APC2: variants seen among roughly 807,000 people sequenced by gnomAD.
APC2 encodes the protein adenomatous polyposis coli protein 2.
Under a neutral mutation model 72.5 loss-of-function variants are expected in APC2, and 41 were observed. The ratio of observed to expected loss-of-function variants is 0.57; its 90% CI spans 0.44 to 0.73. The LOEUF (loss-of-function observed/expected upper bound fraction) is 0.73, where lower values mean the gene tolerates loss of function less well. Ranked by LOEUF, APC2 falls within the 30% of genes least tolerant of loss-of-function variation. The pLI, the probability that APC2 is intolerant of heterozygous loss-of-function variation, is 0.00. For missense variants in APC2, 3,729 were observed against 3,403.4 expected, an observed-to-expected ratio of 1.10 and a Z score of -2.38; for synonymous variants, 1,898 against 1,612.0, an observed-to-expected ratio of 1.18 and a Z score of -4.25.
At chr19:1,462,702 G>T (rs2083946484) in intron 14 of APC2, among the ~76,000 whole-genome samples, 1 of 150,380 alleles carries the variant, frequency 6.6e-6, no homozygotes, top group Non-Finnish European at 1.5e-5. Flanking sequence ...CAGGCGCAGT[G>T]GCTCACACCT....
In APC2 at chr19:1,465,136, AC is replaced by A. The variant is rs745472709; in HGVS notation, c.1854-16del. ...GGAGGGTGGGGGGTGGCCCAGGCTA[AC>A]CCGCCCTGTGCCTACAGGCAGGTGC... On this transcript the variant is annotated intron_variant, in intron 14 of 14. Transcript: ENST00000590469. The A allele has an allele frequency of 6.3e-7, 1 of 1,586,156 alleles. No homozygotes were observed. Among genetic ancestry groups the A allele is most frequent in the South Asian group, 1.1e-5 (1 of 87,392 alleles).
At position 1,465,681 on chromosome 19, in the gene APC2, G is replaced by C; in HGVS notation, c.2380G>C (p.Gly794Arg). The C allele has an allele frequency of 1.3e-6, 2 of 1,594,702 alleles. No homozygotes were observed. The highest frequency in any genetic ancestry group is 1.1e-5 in the South Asian group (1 of 88,752). The change falls in exon 15 of 15, where the codon GGG (glycine) becomes CGG (arginine). Residue 794 changes from glycine to arginine, a missense_variant. Coordinates refer to ENST00000590469, the MANE Select transcript of APC2 (RefSeq NM_005883.3). The part of the protein sequence containing the change: ...PSSLAAAAAT[G>R]EPASPAALSL... ...ATCCCTGGCTGCGGCCGCGGCCACC[G>C]GGGAGCCAGCCAGCCCTGCCGCGCT...
chr19:1,461,926 C>A (rs373827851), intron 13 of APC2, 37 bp from the exon 14 acceptor site: 1 of 1,554,578 alleles, frequency 6.4e-7, no homozygotes, highest in Admixed American at 1.8e-5. Flanking sequence ...CCGGGCCACT[C>A]AGGCCCTGAC....
intron 14 of APC2, among the ~76,000 whole-genome samples, chr19:1,464,239 G>A (rs1246606666): frequency 6.6e-6 from 1 of 152,040 alleles, no homozygotes; most frequent in Non-Finnish European, 1.5e-5. Context: ...AACCCAGGAG[G>A]TGGAGGTTGC....
rs971329380 is a variant in APC2, at chr19:1,465,990, G to A, written c.2689G>A (p.Gly897Ser). The change falls in exon 15 of 15, where the codon GGC (glycine) becomes AGC (serine). Residue 897 changes from glycine (G) to serine (S), a missense_variant. Physicochemically the swap from Gly to Ser is moderately conservative, Grantham distance 56 (BLOSUM62 0). Coordinates refer to ENST00000590469, the MANE Select transcript of APC2 (RefSeq NM_005883.3). ...GRAQSCSPCR[G>S]PEGGRREAGS... ...CGCCCAGTCCTGCTCGCCATGCCGC[G>A]GCCCGGAGGGCGGGCGGCGAGAGGC... 3 of 1,514,898 alleles carry A rather than the reference G, an allele frequency of 2.0e-6. No homozygotes were observed. Among genetic ancestry groups the A allele is most frequent in the Non-Finnish European group, 1.8e-6 (2 of 1,141,002 alleles). The allele number at this position is 1,514,898 out of a possible 1,614,324, so 93.8% of individuals were successfully genotyped here.
Position 1,457,129 on chromosome 19 carries a change from C to G in APC2, c.1093C>G (p.Arg365Gly). Residue 365 changes from arginine (R) to glycine (G), a missense_variant, in exon 9 of 15, where the codon CGC (arginine) becomes GGC (glycine). Physicochemically the swap from Arg to Gly is moderately radical, Grantham distance 125. Coordinates refer to ENST00000590469, the MANE Select transcript of APC2 (RefSeq NM_005883.3). ...CTCGCAGCCGGACCAGGGCCTGGCG[C>G]GCAAGGAGATGCGCGTCCTGCACGT... Reference protein sequence around the residue: ...VFSQPDQGLARKEMRVLHVLE... With the variant: ...VFSQPDQGLAGKEMRVLHVLE... 1 of 1,589,170 alleles carries G rather than the reference C, an allele frequency of 6.3e-7. No homozygotes were observed. The highest frequency in any genetic ancestry group is 8.5e-7 in the Non-Finnish European group (1 of 1,170,876).
chr19:1,446,338 C>G, upstream of APC2: 2 of 985,226 alleles, frequency 2.0e-6, no homozygotes, highest in Non-Finnish European at 2.4e-6. The surrounding 1 kb of genome is among the most constrained non-coding windows in gnomAD (Gnocchi z 6.1). Context: ...TCTTCGGGGA[C>G]CAGGTAGGGC....
chr19:1,466,375 C>T lies in APC2; in HGVS notation c.3074C>T (p.Ala1025Val), dbSNP rs751673972. The T allele has an allele frequency of 6.3e-7, 1 of 1,586,078 alleles. No homozygotes were observed. Among genetic ancestry groups the T allele is most frequent in the African/African-American group, 1.3e-5 (1 of 74,804 alleles). The change falls in exon 15 of 15, where the codon GCC (alanine) becomes GTC (valine). Residue 1025 changes from alanine to valine, a missense_variant. By Grantham distance (64) the Ala-to-Val change is moderately conservative. Transcript: ENST00000590469. Reference protein sequence around the residue: ...PLAGPGISPGARKQAWLPADH... With the variant: ...PLAGPGISPGVRKQAWLPADH... ...GCGGGGCCTGGAATCTCTCCAGGGG[C>T]CCGGAAGCAGGCCTGGCTGCCGGCA...
chr19:1,468,448 C>A lies in APC2; in HGVS notation c.5147C>A (p.Ser1716Tyr). 1 of 1,595,976 alleles carries A rather than the reference C, an allele frequency of 6.3e-7. No homozygotes were observed. Among genetic ancestry groups the A allele is most frequent in the Admixed American group, 1.7e-5 (1 of 58,374 alleles). ...ATREASSESD[S>Y]ILSFVSGLSV... ...CGGGAGGCCTCGTCCGAGTCCGACT[C>A]CATCCTGTCCTTCGTATCCGGGCTG... is the stretch of plus-strand genomic sequence containing the variant. Residue 1716 changes from serine to tyrosine, a missense_variant, in exon 15 of 15, where the codon TCC (serine) becomes TAC (tyrosine). Coordinates refer to ENST00000590469, the MANE Select transcript of APC2 (RefSeq NM_005883.3).
In APC2 at chr19:1,465,463, G is replaced by A. The variant is rs1253975046; in HGVS notation, c.2162G>A (p.Arg721His). 1 of 1,531,642 alleles carries A rather than the reference G, an allele frequency of 6.5e-7. No homozygotes were observed. The highest frequency in any genetic ancestry group is 2.5e-5 in the East Asian group (1 of 40,488). 94.9% of individuals were successfully genotyped at this position (1,531,642 alleles called of 1,614,324 possible). Residue 721 changes from arginine to histidine, a missense_variant, in exon 15 of 15, where the codon CGC becomes CAC. Arg to His is a conservative substitution (Grantham distance 29). Coordinates refer to ENST00000590469, the MANE Select transcript of APC2 (RefSeq NM_005883.3). ...PGSCVPSLYVRKQRALEAELD... is the reference protein window; with the variant it reads ...PGSCVPSLYVHKQRALEAELD... Reference sequence around the variant, plus strand: ...AGCTGCGTGCCCAGCCTGTACGTGCGCAAGCAGCGGGCGCTGGAGGCCGAG... The same window carrying A: ...AGCTGCGTGCCCAGCCTGTACGTGCACAAGCAGCGGGCGCTGGAGGCCGAG...
chr19:1,456,777 C>A, intron 8 of APC2, 76 bp from the exon 9 acceptor site: 3 of 1,513,572 alleles, frequency 2.0e-6, no homozygotes, highest in South Asian at 1.2e-5. Context: ...GGGCAGGGGT[C>A]ACAGGGCTCC....
At position 1,452,470 on chromosome 19, in the gene APC2, G is replaced by A. The variant is rs2083755002; in HGVS notation, c.-18-514G>A. 1 of 164,218 alleles carries A rather than the reference G, an allele frequency of 6.1e-6. No individual in the cohort carries two copies. 10.2% of individuals were successfully genotyped at this position (164,218 alleles called of 1,614,324 possible). On this transcript the variant is annotated intron_variant, in intron 1 of 14. Coordinates refer to ENST00000590469, the MANE Select transcript of APC2 (RefSeq NM_005883.3). This position sits in a 1 kb window ranked among gnomAD's most constrained non-coding sequence, Gnocchi z 5.1. ...TTTTCATTGTCCATCGGCAGGGACA[G>A]CTGGTGGTCTGTCCGCCCCGCGTGT...
intron 7 of APC2, 43 bp from the exon 8 acceptor site, chr19:1,456,263 G>C: frequency 6.3e-7 from 1 of 1,576,994 alleles, no homozygotes; most frequent in Non-Finnish European, 8.6e-7. Context: ...AGCAGACTGG[G>C]TGCTCTGGGA....
At position 1,468,026 on chromosome 19, in the gene APC2, C is replaced by A. The variant is rs762938693; in HGVS notation, c.4725C>A (p.Pro1575=). 2 of 1,584,514 alleles carry A rather than the reference C, an allele frequency of 1.3e-6. No individual in the cohort carries two copies. The highest frequency in any genetic ancestry group is 1.7e-6 in the Non-Finnish European group (2 of 1,174,286). The change falls in exon 15 of 15, where the codon CCC becomes CCA. Residue 1575 remains proline, a synonymous_variant. Transcript: ENST00000590469. The stretch of plus-strand genomic sequence containing the variant: ...GCCTCATTGCTGACGAGACCCCGCC[C>A]TGCTACTCCCTGAGCTCCTCCGCCA... ...QPSLIADETP[P]CYSLSSSASS...
chr19:1,465,085 G>A (rs1364312853), intron 14 of APC2, 70 bp from the exon 15 acceptor site: 15 of 1,518,236 alleles, frequency 9.9e-6, no homozygotes, highest in Non-Finnish European at 1.2e-5. Context: ...TGCCACATCT[G>A]GCCCCCCCAT....
rs1178368440 is a variant in APC2, at chr19:1,468,032, C to T, written c.4731C>T (p.Tyr1577=). 1 of 1,582,456 alleles carries T rather than the reference C, an allele frequency of 6.3e-7. No individual in the cohort carries two copies. The highest frequency in any genetic ancestry group is 1.7e-5 in the Admixed American group (1 of 59,150). The change falls in exon 15 of 15, where the codon TAC becomes TAT. Residue 1577 remains tyrosine (Y), a synonymous_variant. Transcript: ENST00000590469. ...TTGCTGACGAGACCCCGCCCTGCTA[C>T]TCCCTGAGCTCCTCCGCCAGCTCCC... ...SLIADETPPC[Y]SLSSSASSLS...
chr19:1,459,769 A>G (rs2083894797), intron 10 of APC2, among the ~76,000 whole-genome samples: 1 of 152,182 alleles, frequency 6.6e-6, no homozygotes, highest in Non-Finnish European at 1.5e-5. Flanking sequence ...CCATCCCTAC[A>G]GCCCTGTCTG....
In APC2 at chr19:1,456,106, A is replaced by G; in HGVS notation, c.670A>G (p.Lys224Glu). ...CGCCTCGCGCCTGGAGCAGATTGAC[A>G]AGGAGCTGCTGGAGGCGCAGGACCG... ...IRASRLEQIDKELLEAQDRVQ... is the reference protein window; with the variant it reads ...IRASRLEQIDEELLEAQDRVQ... Residue 224 changes from lysine (K) to glutamate (E), a missense_variant, in exon 7 of 15, where the codon AAG becomes GAG. Physicochemically the swap from Lys to Glu is moderately conservative, Grantham distance 56. Transcript: ENST00000590469. 6.3e-7 allele frequency: 1 copy of G among 1,591,012 alleles called. No homozygotes were observed. The highest frequency in any genetic ancestry group is 8.5e-7 in the Non-Finnish European group (1 of 1,171,212).
At chr19:1,448,674 C>G (rs1217341023), upstream of APC2, among the ~76,000 whole-genome samples, 1 of 151,580 alleles carries the variant, frequency 6.6e-6, no homozygotes, top group Non-Finnish European at 1.5e-5. Flanking sequence ...AATCCCGTCT[C>G]TACTAAAAAA....
Sources: gnomAD v4.1 joint callset for allele counts (sites outside exome capture counted in the v4.1 genomes callset) on GRCh38, gnomAD v4.1.1 for gene constraint, Gnocchi (gnomAD v3.1) non-coding constraint, MANE v1.5 for transcripts, NCBI Gene and HGNC (gene_info 2026-07-23, HGNC 2026-07-21) for gene names.